Variants in OR9Q1 observed in about 807,000 individuals in gnomAD.
The protein encoded by OR9Q1 is olfactory receptor family 9 subfamily Q member 1.
For synonymous variants in OR9Q1, 153 were observed against 148.6 expected (o/e 1.03, Z -0.22); for missense variants, 374 against 378.8 (o/e 0.99, Z 0.11).
At chr11:58,061,752 G>A (rs756977109) in intron 2 of OR9Q1, among the ~76,000 whole-genome samples, 7 of 152,230 alleles carry the variant, frequency 4.6e-5, no homozygotes, top group Non-Finnish European at 8.8e-5. Flanking sequence ...TTCTTAAGAT[G>A]TAACACATTT....
At chr11:58,166,499 CTCT>C (rs34055367) in intron 2 of OR9Q1, among the ~76,000 whole-genome samples, 25,270 of 151,982 alleles carry the variant, frequency 0.17, 2,222 homozygotes, top group East Asian at 0.2. Context: ...TTGCAAGTAT[CTCT>C]TCTTATTAAA....
chr11:58,034,912 C>A (rs576701215), intron 1 of OR9Q1, among the ~76,000 whole-genome samples: 5 of 151,386 alleles, frequency 3.3e-5, no homozygotes, highest in South Asian at 4.2e-4. Context: ...ATTGCAACCT[C>A]CACCTCTTGG....
chr11:58,150,085 GC>G (rs1272666351), intron 2 of OR9Q1, among the ~76,000 whole-genome samples: 2 of 152,132 alleles, frequency 1.3e-5, no homozygotes, highest in Non-Finnish European at 2.9e-5. Flanking sequence ...ATTCCCACTG[GC>G]AATATATAAG....
At chr11:58,103,566 GT>G (rs201363301) in intron 2 of OR9Q1, among the ~76,000 whole-genome samples, 2 of 149,796 alleles carry the variant, frequency 1.3e-5, no homozygotes, top group Non-Finnish European at 3.0e-5. Flanking sequence ...TTAATATTTT[GT>G]TTTTTTTTAC....
intron 2 of OR9Q1, among the ~76,000 whole-genome samples, chr11:58,154,278 C>T (rs1854384055): frequency 2.0e-5 from 3 of 152,136 alleles, no homozygotes; most frequent in African/African-American, 7.2e-5. Flanking sequence ...GAGAACTCTA[C>T]TCTTAGCCCA....
intron 2 of OR9Q1, chr11:58,118,650 G>T (rs1474584062): frequency 1.2e-6 from 2 of 1,613,904 alleles, no homozygotes; most frequent in Admixed American, 3.3e-5. Context: ...CCAGAGATTT[G>T]CCTGAGCCAC....
chr11:58,031,374 C>T lies in OR9Q1; in HGVS notation c.-93+7270C>T, dbSNP rs756655181. ...CCTCTCCACTATGGGGCTTTTGTGT[C>T]CTGGGGCACCTGCATCCGTCTGGCA... is the stretch of plus-strand genomic sequence containing the variant. On this transcript the variant is annotated intron_variant, in intron 1 of 2. Transcript: ENST00000335397. The T allele has an allele frequency of 1.7e-5, 27 of 1,614,128 alleles. No individual in the cohort carries two copies. Among genetic ancestry groups the T allele is most frequent in the Non-Finnish European group, 2.2e-5 (26 of 1,180,006 alleles).
At chr11:58,156,650 A>G (rs1854410987) in intron 2 of OR9Q1, among the ~76,000 whole-genome samples, 1 of 152,210 alleles carries the variant, frequency 6.6e-6, no homozygotes, top group African/African-American at 2.4e-5. Flanking sequence ...TAAACACATT[A>G]TTTAGCAAAT....
chr11:58,111,637 ACT>A (rs1853900076), intron 2 of OR9Q1, among the ~76,000 whole-genome samples: 1 of 152,056 alleles, frequency 6.6e-6, no homozygotes, highest in South Asian at 2.1e-4. Flanking sequence ...CTACATATTA[ACT>A]CTCTACTGTG....
At chr11:58,062,727 C>T (rs551901679) in intron 2 of OR9Q1, among the ~76,000 whole-genome samples, 1 of 152,266 alleles carries the variant, frequency 6.6e-6, no homozygotes, top group South Asian at 2.1e-4. Context: ...CAATCAAGAT[C>T]TTAAAAAAGT....
At chr11:58,070,615 C>T (rs1167366051) in intron 2 of OR9Q1, among the ~76,000 whole-genome samples, 1 of 152,216 alleles carries the variant, frequency 6.6e-6, no homozygotes, top group Non-Finnish European at 1.5e-5. Flanking sequence ...GAACTTCAGA[C>T]TTCAATGGCA....
chr11:58,145,573 C>CT (rs1466711104), intron 2 of OR9Q1, among the ~76,000 whole-genome samples: 1 of 152,030 alleles, frequency 6.6e-6, no homozygotes, highest in East Asian at 1.9e-4. Context: ...TCTTTATTGG[C>CT]TTTATGATGT....
At chr11:58,036,272 T>C (rs187907673) in intron 1 of OR9Q1, among the ~76,000 whole-genome samples, 14 of 152,354 alleles carry the variant, frequency 9.2e-5, no homozygotes, top group African/African-American at 3.1e-4. Flanking sequence ...GTTTACTGAA[T>C]ATTTTCAGCC....
chr11:58,172,192 G>A (rs1026869376), intron 2 of OR9Q1, among the ~76,000 whole-genome samples: 5 of 152,154 alleles, frequency 3.3e-5, no homozygotes, highest in African/African-American at 1.2e-4. Context: ...TTTTGTCCTT[G>A]AGTGAGAAAT....
chr11:58,054,316 T>C, intron 1 of OR9Q1, among the ~76,000 whole-genome samples: 1 of 152,166 alleles, frequency 6.6e-6, no homozygotes, highest in Non-Finnish European at 1.5e-5. Flanking sequence ...TGGAACTCTT[T>C]AAGAAGACAT....
chr11:58,031,202 C>T (rs1052093199), intron 1 of OR9Q1: 18 of 1,614,016 alleles, frequency 1.1e-5, no homozygotes, highest in Non-Finnish European at 1.4e-5. Flanking sequence ...GCCCAAGATG[C>T]TGGCTGGTTT....
chr11:58,167,482 C>T lies in OR9Q1; in HGVS notation c.-14-11949C>T, dbSNP rs979175873. On this transcript the variant is annotated intron_variant, in intron 2 of 2. Coordinates refer to ENST00000335397, the MANE Select transcript of OR9Q1 (RefSeq NM_001005212.4). Reference sequence around the variant, plus strand: ...TAGATAAACTTTTAGATCAGCTTGTCGTGTTTTATCAATATATCAGTCATC... The same window carrying T: ...TAGATAAACTTTTAGATCAGCTTGTTGTGTTTTATCAATATATCAGTCATC... Among the ~76,000 whole-genome samples, 33 of 152,180 alleles carry T rather than the reference C, an allele frequency of 2.2e-4. No individual in the cohort carries two copies. In the Middle Eastern group the frequency reaches 0.014, roughly 63 times the overall value.
chr11:58,156,964 T>A (rs1854414076), intron 2 of OR9Q1, among the ~76,000 whole-genome samples: 1 of 152,174 alleles, frequency 6.6e-6, no homozygotes, highest in African/African-American at 2.4e-5. Flanking sequence ...TATAAGATAA[T>A]AAAGCATTTT....
chr11:58,173,850 G>T (rs1268372285), intron 2 of OR9Q1, among the ~76,000 whole-genome samples: 1 of 152,130 alleles, frequency 6.6e-6, no homozygotes, highest in Non-Finnish European at 1.5e-5. Context: ...TTGGGTATTT[G>T]TGGGCAGACA....
Sources: allele counts gnomAD v4.1 joint callset (sites outside exome capture counted in the v4.1 genomes callset), GRCh38; gene constraint gnomAD v4.1.1; transcripts MANE v1.5; gene names NCBI Gene and HGNC (gene_info 2026-07-23, HGNC 2026-07-21).